The following SCFD1 variants were observed in gnomAD, a reference collection of about 807,000 sequenced individuals.
SCFD1 encodes the protein sec1 family domain-containing protein 1.
In SCFD1, 37 loss-of-function variants were observed where a neutral mutation model predicts 103.2. That is an observed-to-expected ratio of 0.36 (90% CI 0.28 to 0.47). The LOEUF is 0.47. Ranked by LOEUF, SCFD1 falls within the 20% of genes least tolerant of loss-of-function variation. The probability of loss-of-function intolerance (pLI) is 1.00; values close to 1 mark genes in which losing one functional copy is unlikely to be tolerated. For missense variants in SCFD1, 639 were observed against 761.2 expected (o/e 0.84, Z 1.89); for synonymous variants, 264 against 245.0 (o/e 1.08, Z -0.73).
At chr14:30,684,619 G>A (rs1393563164) in intron 14 of SCFD1, among the ~76,000 whole-genome samples, 1 of 151,390 alleles carries the variant, frequency 6.6e-6, no homozygotes, top group African/African-American at 2.4e-5. Context: ...CTTCTAAAAG[G>A]ATTTTTGAGA....
intron 17 of SCFD1, among the ~76,000 whole-genome samples, chr14:30,703,145 C>CA (rs1304556299): frequency 6.6e-6 from 1 of 151,582 alleles, no homozygotes; most frequent in Non-Finnish European, 1.5e-5. Flanking sequence ...CCCCAACTGT[C>CA]AGTGAATTCA....
chr14:30,680,925 G>A (rs1889417219), intron 14 of SCFD1, among the ~76,000 whole-genome samples: 1 of 151,954 alleles, frequency 6.6e-6, no homozygotes, highest in Non-Finnish European at 1.5e-5. Context: ...CTTTTTCTAA[G>A]TATATCTTTT....
chr14:30,645,750 GT>G (rs1476676604), intron 7 of SCFD1, among the ~76,000 whole-genome samples: 1 of 152,078 alleles, frequency 6.6e-6, no homozygotes, highest in Non-Finnish European at 1.5e-5. Context: ...AATTTGTGAG[GT>G]ATAAGATCAT....
intron 14 of SCFD1, among the ~76,000 whole-genome samples, chr14:30,691,372 G>C (rs191884858): frequency 1.3e-5 from 2 of 152,244 alleles, no homozygotes; most frequent in East Asian, 1.9e-4. Flanking sequence ...TTATGTTTAG[G>C]GTTCTGTAGA....
At chr14:30,659,499 T>G (rs1268712629) in intron 10 of SCFD1, among the ~76,000 whole-genome samples, 1 of 152,148 alleles carries the variant, frequency 6.6e-6, no homozygotes, top group Admixed American at 6.5e-5. Flanking sequence ...TTTACTACTT[T>G]TAGAGATTGA....
At chr14:30,664,723 A>G (rs112307075) in intron 10 of SCFD1, among the ~76,000 whole-genome samples, 2,522 of 152,292 alleles carry the variant, frequency 0.017, 90 homozygotes, top group African/African-American at 0.057. Context: ...GCTGAAAACC[A>G]TGGCACGAGA....
At position 30,734,875 on chromosome 14, in the gene SCFD1, T is replaced by C; in HGVS notation, c.1905+17T>C. ...ATAAAACAGGTAAAGTATACATTTG[T>C]TGTTTGTTTCTGTTAACATACCCCT... is the stretch of plus-strand genomic sequence containing the variant. On this transcript the variant is annotated intron_variant, in intron 24 of 24. Coordinates refer to ENST00000458591, the MANE Select transcript of SCFD1 (RefSeq NM_016106.4). 7 of 1,590,606 alleles carry C rather than the reference T, an allele frequency of 4.4e-6. No homozygotes were observed. The highest frequency in any genetic ancestry group is 6.0e-6 in the Non-Finnish European group (7 of 1,159,036).
At chr14:30,658,162 T>C in intron 10 of SCFD1, 4 of 445,612 alleles carry the variant, frequency 9.0e-6, no homozygotes, top group South Asian at 4.8e-5. Context: ...TCTGTTTTTT[T>C]ACTTGGCCTT....
chr14:30,699,293 TTA>T (rs1418175554), intron 15 of SCFD1, among the ~76,000 whole-genome samples: 1 of 152,234 alleles, frequency 6.6e-6, no homozygotes, highest in Non-Finnish European at 1.5e-5. Context: ...TTATCAGTCA[TTA>T]TGTTTTGAAG....
In SCFD1 at chr14:30,729,953, C is replaced by T. The variant is rs542560969; in HGVS notation, c.1837-4837C>T. Among the ~76,000 whole-genome samples the T allele has an allele frequency of 3.4e-4, 52 of 152,018 alleles. No homozygotes were observed. In the South Asian group the frequency reaches 5.4e-3, roughly 16 times the overall value. On this transcript the variant is annotated intron_variant, in intron 23 of 24. Transcript: ENST00000458591. ...ATAAATGTGCCATGTTGGTGTGCTG[C>T]GCCCATTAACTCATCGTTTACGTTA...
At chr14:30,713,939 T>C (rs1226042051) in intron 19 of SCFD1, among the ~76,000 whole-genome samples, 1 of 152,202 alleles carries the variant, frequency 6.6e-6, no homozygotes, top group East Asian at 1.9e-4. Context: ...GATAAAGCAT[T>C]TTAAAATCTT....
chr14:30,706,031 GT>G (rs72090370), intron 18 of SCFD1, 146 bp downstream of exon 18: 117 of 512,216 alleles, frequency 2.3e-4, no homozygotes, highest in Middle Eastern at 3.3e-4. Context: ...AGTTCTCCTG[GT>G]TTTTTTTTTC....
intron 17 of SCFD1, among the ~76,000 whole-genome samples, chr14:30,703,047 T>C (rs1950882): frequency 0.45 from 68,522 of 151,210 alleles, 18,038 homozygotes; most frequent in African/African-American, 0.72. Context: ...GCTCACGTTA[T>C]ATTGCAAAGT....
intron 23 of SCFD1, among the ~76,000 whole-genome samples, chr14:30,732,030 C>G (rs539027202): frequency 3.2e-4 from 48 of 152,256 alleles, no homozygotes; most frequent in Non-Finnish European, 5.7e-4. Flanking sequence ...TACGTCCCAT[C>G]AATACCTAAT....
chr14:30,728,683 C>G (rs544358115), intron 23 of SCFD1, among the ~76,000 whole-genome samples: 1 of 152,288 alleles, frequency 6.6e-6, no homozygotes, highest in Admixed American at 6.5e-5. Context: ...ACATTCCCCC[C>G]AGCAGTGCAT....
At chr14:30,630,939 A>C (rs1884048156) in intron 3 of SCFD1, 2 of 182,008 alleles carry the variant, frequency 1.1e-5, no homozygotes, top group South Asian at 2.5e-4. Flanking sequence ...TGTAAGTCAA[A>C]AAAATGCATT....
chr14:30,719,729 A>T (rs1217073500), intron 21 of SCFD1, among the ~76,000 whole-genome samples: 1 of 152,134 alleles, frequency 6.6e-6, no homozygotes, highest in Non-Finnish European at 1.5e-5. Context: ...TTTATATTGG[A>T]TACCAGTTGT....
chr14:30,695,009 G>T, intron 15 of SCFD1, 140 bp downstream of exon 15: 1 of 1,427,988 alleles, frequency 7.0e-7, no homozygotes, highest in African/African-American at 1.5e-5. Context: ...GCTATTTTCT[G>T]GTAAAATTTT....
At chr14:30,637,464 C>T (rs1041569189) in intron 4 of SCFD1, among the ~76,000 whole-genome samples, 1 of 152,056 alleles carries the variant, frequency 6.6e-6, no homozygotes, top group African/African-American at 2.4e-5. Flanking sequence ...ATTTTAACAT[C>T]GCTAAAATCA....
Sources: allele counts gnomAD v4.1 joint callset (sites outside exome capture counted in the v4.1 genomes callset), GRCh38; gene constraint gnomAD v4.1.1; transcripts MANE v1.5; gene names NCBI Gene and HGNC (gene_info 2026-07-23, HGNC 2026-07-21).